The following CASC3 variants were observed in gnomAD, a reference collection of about 807,000 sequenced individuals.
CASC3 encodes the protein CASC3 exon junction complex subunit, also known as protein CASC3.
In CASC3, 30 loss-of-function variants were observed where a neutral mutation model predicts 80.5. The ratio of observed to expected loss-of-function variants is 0.37; its 90% confidence interval spans 0.28 to 0.51. The LOEUF (loss-of-function observed/expected upper bound fraction) is 0.51, where lower values mean the gene tolerates loss of function less well. CASC3 is among the 20% of genes least tolerant of loss of function. The pLI is 0.94. For synonymous variants in CASC3, 312 were observed against 333.6 expected (o/e 0.94, Z 0.70); for missense variants, 824 against 922.2 (o/e 0.89, Z 1.38).
intron 3 of CASC3, among the ~76,000 whole-genome samples, chr17:40,145,779 C>T (rs1475445344): frequency 6.6e-6 from 1 of 151,450 alleles, no homozygotes; most frequent in East Asian, 1.9e-4. Flanking sequence ...TTTTTATTTA[C>T]TGTTTTTTGT....
chr17:40,149,849 C>CA (rs1861533293), intron 3 of CASC3, among the ~76,000 whole-genome samples: 1 of 151,280 alleles, frequency 6.6e-6, no homozygotes, highest in Non-Finnish European at 1.5e-5. Context: ...ACTAAAAATA[C>CA]AAAAAATTAG....
chr17:40,140,717 G>C lies in CASC3; in HGVS notation c.169G>C (p.Gly57Arg), dbSNP rs1393310552. 2 of 1,561,948 alleles carry C rather than the reference G, an allele frequency of 1.3e-6. No homozygotes were observed. Among genetic ancestry groups the C allele is most frequent in the South Asian group, 1.2e-5 (1 of 85,812 alleles). Residue 57 changes from glycine to arginine, a missense_variant, in exon 1 of 14, where the codon GGG becomes CGG. Physicochemically the swap from Gly to Arg is moderately radical, Grantham distance 125 (BLOSUM62 -2). Around this residue, in one of 3 missense-constraint regions of CASC3, gnomAD observed 159 missense variants for 122.2 expected, o/e 1.30. Transcript: ENST00000264645. ...GCCTTCACAGCGCGGAGGCCGAACC[G>C]GGGCCCTTCATCTGCGGCGGGTGGA... is the stretch of plus-strand genomic sequence containing the variant. ...SLPSQRGGRT[G>R]ALHLRRVESG...
chr17:40,165,443 G>A (rs964613490), intron 7 of CASC3, among the ~76,000 whole-genome samples: 8 of 152,170 alleles, frequency 5.3e-5, no homozygotes, highest in African/African-American at 1.9e-4. Context: ...CTGGGCTCAA[G>A]AGATCCTCCT....
chr17:40,143,731 G>A (rs916267662), intron 3 of CASC3, among the ~76,000 whole-genome samples: 1 of 152,080 alleles, frequency 6.6e-6, no homozygotes, highest in Non-Finnish European at 1.5e-5. Flanking sequence ...TCAGGAGGCT[G>A]AGGCAGGAGA....
intron 3 of CASC3, among the ~76,000 whole-genome samples, chr17:40,148,074 TTA>T (rs1988904200): frequency 6.6e-6 from 1 of 152,206 alleles, no homozygotes; most frequent in African/African-American, 2.4e-5. Flanking sequence ...CTGTTCATTT[TTA>T]TGTAAAATTA....
intron 3 of CASC3, among the ~76,000 whole-genome samples, chr17:40,154,040 C>T (rs75141138): frequency 2.8e-4 from 42 of 150,158 alleles, no homozygotes; most frequent in Non-Finnish European, 5.0e-4. Flanking sequence ...TTCTAGATGT[C>T]CTATTAGGTA....
At chr17:40,160,336 TAAA>T (rs1207972603) in intron 3 of CASC3, among the ~76,000 whole-genome samples, 1 of 150,902 alleles carries the variant, frequency 6.6e-6, no homozygotes, top group Non-Finnish European at 1.5e-5. Flanking sequence ...CTACTAAAAA[TAAA>T]AAAAAATCAG....
rs951507454 is a variant in CASC3, at chr17:40,164,126, T to C, written c.1431T>C (p.Ser477=). The stretch of plus-strand genomic sequence containing the variant: ...TAAATATAGCAGAACAGAATTGGAG[T>C]CCGGGGCAGCCTTCTTTCCTGCAAC... ...AQLNIAEQNW[S]PGQPSFLQPR... Residue 477 remains serine (S), a synonymous_variant, in exon 7 of 14, where the codon AGT becomes AGC. Transcript: ENST00000264645. The C allele has an allele frequency of 3.1e-6, 5 of 1,611,170 alleles. No homozygotes were observed. The highest frequency in any genetic ancestry group is 4.2e-6 in the Non-Finnish European group (5 of 1,179,454).
intron 3 of CASC3, among the ~76,000 whole-genome samples, chr17:40,152,548 C>T (rs1027290666): frequency 1.7e-4 from 25 of 151,326 alleles, no homozygotes; most frequent in Admixed American, 3.3e-4. Context: ...CTCGAGCTCC[C>T]GACCTCAGGT....
intron 7 of CASC3, among the ~76,000 whole-genome samples, chr17:40,165,267 G>A (rs2145180116): frequency 6.6e-6 from 1 of 152,012 alleles, no homozygotes; most frequent in Admixed American, 6.6e-5. Flanking sequence ...GTTTCATTAT[G>A]TTGGCCAGGC....
At chr17:40,160,592 A>G (rs1281590572) in intron 3 of CASC3, among the ~76,000 whole-genome samples, 3 of 151,338 alleles carry the variant, frequency 2.0e-5, no homozygotes, top group African/African-American at 7.3e-5. Flanking sequence ...TCTCCCTTCC[A>G]TTCTTATCCT....
chr17:40,142,776 C>G (rs1278355572), intron 3 of CASC3, among the ~76,000 whole-genome samples: 1 of 152,084 alleles, frequency 6.6e-6, no homozygotes, highest in Non-Finnish European at 1.5e-5. Flanking sequence ...TGGCGGGCGC[C>G]TGTAGTCCCA....
rs1365910905 is a variant in CASC3 at position 40,172,043 on chromosome 17, G to C, written c.*1638G>C. 3.1e-6 allele frequency: 4 copies of C among 1,289,838 alleles called. No homozygotes were observed. The highest frequency in any genetic ancestry group is 4.0e-6 in the Non-Finnish European group (4 of 988,828). 79.9% of individuals were successfully genotyped at this position (1,289,838 alleles called of 1,614,324 possible). A position where few individuals can be genotyped will look rare whatever the true frequency, so the allele number is the denominator to read the frequency against. On this transcript the variant is annotated 3_prime_UTR_variant, in exon 14 of 14. Transcript: ENST00000264645. The stretch of plus-strand genomic sequence containing the variant: ...TTAAGACACTGTGAGAGTTGTCTCT[G>C]TTGGTCCACTGTGTTTAGTTGCAAG...
rs767458305 is a variant in CASC3 at position 40,168,465 on chromosome 17, C to T, written c.1965+48C>T. ...TTTTCTAGATACACATTCTTTAATT[C>T]AGACAGGAATGTGGTATGGGGAGAA... On this transcript the variant is annotated intron_variant, in intron 11 of 13. Coordinates refer to ENST00000264645, the MANE Select transcript of CASC3 (RefSeq NM_007359.5). 12 of 1,525,746 alleles carry T rather than the reference C, an allele frequency of 7.9e-6. No individual in the cohort carries two copies. In the Admixed American group the frequency reaches 2.0e-4, roughly 26 times the overall value. The allele number at this position is 1,525,746 out of a possible 1,614,324, so 94.5% of individuals were successfully genotyped here. A position where few individuals can be genotyped will look rare whatever the true frequency, so the allele number is the denominator to read the frequency against.
At chr17:40,159,488 G>A (rs542020460) in intron 3 of CASC3, among the ~76,000 whole-genome samples, 146 of 150,574 alleles carry the variant, frequency 9.7e-4, no homozygotes, top group South Asian at 1.3e-3. Flanking sequence ...TGATTCTCCC[G>A]CCTCAGCCTC....
intron 7 of CASC3, 128 bp downstream of exon 7, chr17:40,164,294 C>CAAAAA: frequency 1.2e-6 from 1 of 857,640 alleles, no homozygotes; most frequent in Non-Finnish European, 1.7e-6. Context: ...GACAGAGTCT[C>CAAAAA]ACTCTTTTGC....
At chr17:40,149,268 T>G (rs1988936148) in intron 3 of CASC3, among the ~76,000 whole-genome samples, 1 of 151,974 alleles carries the variant, frequency 6.6e-6, no homozygotes, top group African/African-American at 2.4e-5. Context: ...TGCCATTTTC[T>G]GAGAGTCTTC....
chr17:40,146,600 C>A (rs1988868825), intron 3 of CASC3, among the ~76,000 whole-genome samples: 1 of 151,864 alleles, frequency 6.6e-6, no homozygotes, highest in Non-Finnish European at 1.5e-5. Context: ...CCATGCCTGG[C>A]TGATTTTTTT....
intron 9 of CASC3, 106 bp downstream of exon 9, chr17:40,167,718 A>T: frequency 8.1e-7 from 1 of 1,233,412 alleles, no homozygotes; most frequent in Non-Finnish European, 1.2e-6. Flanking sequence ...TATAGTGGTT[A>T]TCAAACATTG....
Sources: gnomAD v4.1 joint callset for allele counts (sites outside exome capture counted in the v4.1 genomes callset) on GRCh38, gnomAD v4.1.1 for gene constraint, gnomAD v4.1.1 regional missense constraint, MANE v1.5 for transcripts, NCBI Gene and HGNC (gene_info 2026-07-23, HGNC 2026-07-21) for gene names.